The following ARHGAP22 variants were observed in gnomAD, a reference collection of about 807,000 sequenced individuals.
ARHGAP22 encodes rho GTPase-activating protein 22.
Under a neutral mutation model 59.1 loss-of-function variants are expected in ARHGAP22, and 48 were observed. The observed-to-expected ratio is 0.81, with a 90% CI of 0.64 to 1.03. The LOEUF is 1.03. Among genes scored for constraint, ARHGAP22 ranks in the 50% least tolerant of loss-of-function variants. ARHGAP22 has a pLI of 0.00. For synonymous variants in ARHGAP22, 445 were observed against 416.4 expected, an observed-to-expected ratio of 1.07 and a Z score of -0.84; for missense variants, 1,015 against 958.7, an observed-to-expected ratio of 1.06 and a Z score of -0.78.
chr10:48,455,082 G>A lies in ARHGAP22; in HGVS notation c.712C>T (p.Leu238Phe), dbSNP rs1464753337. The change falls in exon 6 of 10, where the codon CTC (leucine) becomes TTC (phenylalanine). Residue 238 changes from leucine (L) to phenylalanine (F), a missense_variant. Transcript: ENST00000249601. ...ASLLKLYLRE[L>F]PEPVVPFARY... ...GCGAAGGGGACCACGGGCTCGGGGA[G>A]CTCCCGCAGGTACAGCTTCAGCAGG... 1 of 1,612,294 alleles carries A rather than the reference G, an allele frequency of 6.2e-7. No homozygotes were observed. The highest frequency in any genetic ancestry group is 1.7e-5 in the Admixed American group (1 of 59,982).
At chr10:48,620,668 A>T (rs2061253739) in intron 1 of ARHGAP22, among the ~76,000 whole-genome samples, 1 of 152,204 alleles carries the variant, frequency 6.6e-6, no homozygotes, top group Non-Finnish European at 1.5e-5. Context: ...GAAATCCAGC[A>T]TGGGGAGATG....
At chr10:48,494,949 C>T (rs2050768091) in intron 3 of ARHGAP22, among the ~76,000 whole-genome samples, 1 of 152,248 alleles carries the variant, frequency 6.6e-6, no homozygotes, top group Non-Finnish European at 1.5e-5. Context: ...AAAGCCTCAG[C>T]TCAAATGTAC....
chr10:48,629,250 T>A (rs1719703305), intron 1 of ARHGAP22, among the ~76,000 whole-genome samples: 1 of 152,192 alleles, frequency 6.6e-6, no homozygotes, highest in African/African-American at 2.4e-5. Flanking sequence ...AAAGCCCAGC[T>A]AACCCTCAGA....
chr10:48,438,030 A>G, the ARHGAP22 span: 15 of 152,268 alleles, frequency 9.9e-5, no homozygotes, highest in Non-Finnish European at 1.5e-5. Context: ...TCTGCTAAAC[A>G]TATGAAGACT....
intron 1 of ARHGAP22, among the ~76,000 whole-genome samples, chr10:48,616,646 C>G (rs1052039890): frequency 2.0e-5 from 3 of 152,076 alleles, no homozygotes; most frequent in African/African-American, 4.8e-5. Context: ...AATTTCTTAT[C>G]AGAAACTAGG....
Position 48,643,764 on chromosome 10 carries a change from A to ATAT in ARHGAP22, c.52+8469_52+8470insATA, listed in dbSNP as rs1554964584. ...CTTAAAGTATAATTAAAAAAAAAAAAATATATATATATATATATGCCACAC... is the reference window on the plus strand; with the variant it reads ...CTTAAAGTATAATTAAAAAAAAAAAATATATATATATATATATATATGCCACAC... On this transcript the variant is annotated intron_variant, in intron 1 of 9. Transcript: ENST00000435790. Among the ~76,000 whole-genome samples, 302 of 144,256 alleles carry ATAT rather than the reference A, an allele frequency of 2.1e-3. 1 individual carries two copies. Among genetic ancestry groups the ATAT allele is most frequent in the African/African-American group, 6.7e-3 (258 of 38,644 alleles). The allele number at this position is 144,256 out of a possible 152,430, so 94.6% of individuals were successfully genotyped here.
At chr10:48,529,960 G>A (rs1168876080) in intron 3 of ARHGAP22, among the ~76,000 whole-genome samples, 1 of 152,128 alleles carries the variant, frequency 6.6e-6, no homozygotes, top group Non-Finnish European at 1.5e-5. Context: ...AACTTGGCTG[G>A]GCGCGGTGGC....
chr10:48,611,807 T>C (rs111320855), intron 1 of ARHGAP22, among the ~76,000 whole-genome samples: 1,889 of 35,292 alleles, frequency 0.054, 190 homozygotes, highest in African/African-American at 0.19. Context: ...CCTTCCCTTC[T>C]CTTCCCTTCC....
At chr10:48,429,973 GAT>G in the ARHGAP22 span, 1 of 152,226 alleles carries the variant, frequency 6.6e-6, no homozygotes, top group Non-Finnish European at 1.5e-5. Flanking sequence ...CAAAGAAGAT[GAT>G]AAATAGTGTT....
upstream of ARHGAP22, among the ~76,000 whole-genome samples, chr10:48,609,592 C>T (rs2060802640): frequency 6.6e-6 from 1 of 152,180 alleles, no homozygotes; most frequent in Non-Finnish European, 1.5e-5. Flanking sequence ...AGTTGGTCCT[C>T]TTCATTACTA....
At chr10:48,449,712 C>T (rs1415659543) in intron 9 of ARHGAP22, among the ~76,000 whole-genome samples, 1 of 152,220 alleles carries the variant, frequency 6.6e-6, no homozygotes, top group South Asian at 2.1e-4. Flanking sequence ...GAACTCTGGC[C>T]CTCTGTTAGT....
At chr10:48,496,863 G>C (rs1008480674) in intron 3 of ARHGAP22, among the ~76,000 whole-genome samples, 6 of 152,150 alleles carry the variant, frequency 3.9e-5, no homozygotes, top group Admixed American at 3.3e-4. Flanking sequence ...TGGAGATTGG[G>C]GGGTAGGAAC....
intron 4 of ARHGAP22, among the ~76,000 whole-genome samples, chr10:48,469,618 C>T (rs2048040789): frequency 6.6e-6 from 1 of 152,200 alleles, no homozygotes; most frequent in Non-Finnish European, 1.5e-5. Context: ...CAGCATCCAG[C>T]GATGAGCTTA....
intron 2 of ARHGAP22, among the ~76,000 whole-genome samples, chr10:48,572,731 G>A (rs2135502595): frequency 6.6e-6 from 1 of 152,248 alleles, no homozygotes; most frequent in Non-Finnish European, 1.5e-5. Flanking sequence ...CAGAGGCTAT[G>A]CTTCCCAACC....
At chr10:48,577,616 G>A (rs759693730) in intron 2 of ARHGAP22, among the ~76,000 whole-genome samples, 67 of 152,014 alleles carry the variant, frequency 4.4e-4, no homozygotes, top group Non-Finnish European at 7.9e-4. Flanking sequence ...GCACACTGAT[G>A]TTCACCCAAC....
chr10:48,622,177 T>C (rs1329157473), intron 1 of ARHGAP22, among the ~76,000 whole-genome samples: 1 of 152,250 alleles, frequency 6.6e-6, no homozygotes, highest in East Asian at 1.9e-4. Flanking sequence ...ACTTTTGTTA[T>C]TTTGCTACTT....
At chr10:48,496,709 C>G (rs781307868) in intron 3 of ARHGAP22, among the ~76,000 whole-genome samples, 2 of 152,138 alleles carry the variant, frequency 1.3e-5, no homozygotes, top group Non-Finnish European at 2.9e-5. Context: ...GCCGGTAACA[C>G]TAGGTAAGGA....
intron 3 of ARHGAP22, among the ~76,000 whole-genome samples, chr10:48,544,712 T>C (rs1464582961): frequency 6.6e-6 from 1 of 152,234 alleles, no homozygotes; most frequent in East Asian, 1.9e-4. Flanking sequence ...ATGGCTATAG[T>C]TAATTAATAT....
At chr10:48,500,784 G>A (rs2051430248) in intron 3 of ARHGAP22, among the ~76,000 whole-genome samples, 2 of 151,730 alleles carry the variant, frequency 1.3e-5, no homozygotes, top group Non-Finnish European at 1.5e-5. Flanking sequence ...CTAGCTACTC[G>A]GGAGGCTGAG....
Sources: gnomAD v4.1 joint callset for allele counts (sites outside exome capture counted in the v4.1 genomes callset) on GRCh38, gnomAD v4.1.1 for gene constraint, MANE v1.5 for transcripts, NCBI Gene and HGNC (gene_info 2026-07-23, HGNC 2026-07-21) for gene names.